The following LYPLAL1 variants were observed in gnomAD, a reference collection of about 807,000 sequenced individuals.
LYPLAL1 encodes the protein lysophospholipase like 1.
In LYPLAL1, 23 loss-of-function variants were observed where a neutral mutation model predicts 19.7. The ratio of observed to expected loss-of-function variants is 1.17; its 90% CI spans 0.84 to 1.65. LYPLAL1 has a LOEUF of 1.65. LYPLAL1 is among the 40% of genes most tolerant of loss of function. The pLI, the probability that LYPLAL1 is intolerant of heterozygous loss-of-function variation, is 0.00. For synonymous variants in LYPLAL1, 119 were observed against 96.3 expected (o/e 1.24, Z -1.38); for missense variants, 355 against 279.4 (o/e 1.27, Z -1.93).
the LYPLAL1 span, among the ~76,000 whole-genome samples, chr1:219,376,819 C>T: frequency 2.0e-5 from 3 of 152,166 alleles, no homozygotes; most frequent in Non-Finnish European, 2.9e-5. Context: ...ACTACAACAA[C>T]AAAACATACA....
At position 219,210,624 on chromosome 1, in the gene LYPLAL1, A is replaced by G; in HGVS notation, c.454A>G (p.Asn152Asp). 6.2e-7 allele frequency: 1 copy of G among 1,609,532 alleles called. No individual in the cohort carries two copies. Among genetic ancestry groups the G allele is most frequent in the South Asian group, 1.1e-5 (1 of 90,128 alleles). ...AGTATTTGCTCTTTCTAGTTTTCTG[A>G]ATAAAGCATCTGCTGTTTACCAGGT... ...AGVFALSSFL[N>D]KASAVYQALQ... Residue 152 changes from asparagine to aspartate, a missense_variant, in exon 4 of 5, where the codon AAT (asparagine) becomes GAT (aspartate). Coordinates refer to ENST00000366928, the MANE Select transcript of LYPLAL1 (RefSeq NM_138794.5).
the LYPLAL1 span, among the ~76,000 whole-genome samples, chr1:219,269,847 T>A: frequency 1.3e-5 from 2 of 152,230 alleles, no homozygotes; most frequent in Non-Finnish European, 2.9e-5. Flanking sequence ...TCTAAATATA[T>A]TCTTGCCATT....
the LYPLAL1 span, among the ~76,000 whole-genome samples, chr1:219,437,680 T>C: frequency 0.013 from 1,946 of 152,196 alleles, 38 homozygotes; most frequent in African/African-American, 0.044. Context: ...GTTTTTAGGG[T>C]GTGCAACAAT....
intron 1 of LYPLAL1, among the ~76,000 whole-genome samples, chr1:219,175,463 T>G (rs910313426): frequency 6.6e-6 from 1 of 152,202 alleles, no homozygotes; most frequent in African/African-American, 2.4e-5. Context: ...TAATCAATTC[T>G]CATTATCTTT....
chr1:219,277,312 A>G, the LYPLAL1 span, among the ~76,000 whole-genome samples: 1 of 151,980 alleles, frequency 6.6e-6, no homozygotes, highest in African/African-American at 2.4e-5. Context: ...TTTCACCCAG[A>G]CCTGAAAATA....
At chr1:219,396,203 T>C in the LYPLAL1 span, among the ~76,000 whole-genome samples, 2 of 152,094 alleles carry the variant, frequency 1.3e-5, no homozygotes, top group Non-Finnish European at 2.9e-5. Context: ...TTTTCCCCCA[T>C]TGATGTTTTT....
chr1:219,204,454 A>G (rs187627967), intron 3 of LYPLAL1, among the ~76,000 whole-genome samples: 2 of 152,258 alleles, frequency 1.3e-5, no homozygotes, highest in Admixed American at 1.3e-4. Context: ...ATTTCCTTCT[A>G]GTTTGTTTCT....
At chr1:219,426,874 C>T in the LYPLAL1 span, among the ~76,000 whole-genome samples, 1 of 152,228 alleles carries the variant, frequency 6.6e-6, no homozygotes, top group Non-Finnish European at 1.5e-5. Flanking sequence ...GCTGGGATTA[C>T]AGGCGTGAGC....
the LYPLAL1 span, among the ~76,000 whole-genome samples, chr1:219,432,543 C>A: frequency 0.038 from 5,772 of 152,150 alleles, 208 homozygotes; most frequent in African/African-American, 0.097. Flanking sequence ...CTGCCAGTGG[C>A]CTGATGACTA....
intron 3 of LYPLAL1, among the ~76,000 whole-genome samples, chr1:219,194,114 A>C (rs989820890): frequency 6.6e-6 from 1 of 151,896 alleles, no homozygotes; most frequent in Admixed American, 6.6e-5. Context: ...AATCCATTCT[A>C]TTCTGTCTTG....
At chr1:219,420,127 C>A in the LYPLAL1 span, among the ~76,000 whole-genome samples, 1 of 152,170 alleles carries the variant, frequency 6.6e-6, no homozygotes, top group Non-Finnish European at 1.5e-5. Flanking sequence ...TGGGGCAAAG[C>A]CCCTGAGGAA....
At chr1:219,176,702 T>C (rs1188661084) in intron 1 of LYPLAL1, among the ~76,000 whole-genome samples, 2 of 152,214 alleles carry the variant, frequency 1.3e-5, no homozygotes, top group Non-Finnish European at 2.9e-5. Flanking sequence ...CACAGAAGTC[T>C]CCTAGAGATA....
At chr1:219,271,094 A>G in the LYPLAL1 span, 1 of 152,540 alleles carries the variant, frequency 6.6e-6, no homozygotes, top group South Asian at 2.1e-4. Flanking sequence ...ACAGGCACGC[A>G]CCACCACGCC....
chr1:219,241,134 C>CTCTCTCTCTCTATA, the LYPLAL1 span, among the ~76,000 whole-genome samples: 10 of 44,362 alleles, frequency 2.3e-4, no homozygotes, highest in East Asian at 8.2e-4. Flanking sequence ...CTCTCTCTCT[C>CTCTCTCTCTCTATA]TATATATATA....
At chr1:219,370,870 C>G in the LYPLAL1 span, among the ~76,000 whole-genome samples, 1 of 152,146 alleles carries the variant, frequency 6.6e-6, no homozygotes, top group African/African-American at 2.4e-5. Flanking sequence ...CATACACGCA[C>G]TTAAGATAGA....
the LYPLAL1 span, among the ~76,000 whole-genome samples, chr1:219,322,819 A>G: frequency 6.6e-6 from 1 of 152,224 alleles, no homozygotes; most frequent in Non-Finnish European, 1.5e-5. Context: ...TAAAAATTGA[A>G]TGCTTAAATA....
the LYPLAL1 span, among the ~76,000 whole-genome samples, chr1:219,332,271 C>T: frequency 1.1e-4 from 16 of 152,136 alleles, no homozygotes; most frequent in Non-Finnish European, 2.1e-4. Context: ...GCCCAGCCAA[C>T]AGCAGGATCC....
chr1:219,300,031 T>A, the LYPLAL1 span, among the ~76,000 whole-genome samples: 1 of 152,084 alleles, frequency 6.6e-6, no homozygotes, highest in Non-Finnish European at 1.5e-5. Context: ...CAGGTTGGAG[T>A]GCAGTGGTAC....
At chr1:219,197,322 C>T (rs1193970462) in intron 3 of LYPLAL1, among the ~76,000 whole-genome samples, 3 of 152,036 alleles carry the variant, frequency 2.0e-5, no homozygotes. Context: ...GAAATAAGAC[C>T]TCACATCTAC....
Sources: gnomAD v4.1 joint callset for allele counts (sites outside exome capture counted in the v4.1 genomes callset) on GRCh38, gnomAD v4.1.1 for gene constraint, MANE v1.5 for transcripts, NCBI Gene and HGNC (gene_info 2026-07-23, HGNC 2026-07-21) for gene names.